The following SORBS2 variants were observed in gnomAD, a reference collection of about 807,000 sequenced individuals.
SORBS2 encodes the protein sorbin and SH3 domain containing 2, also known as sorbin and SH3 domain-containing protein 2.
A neutral mutation model predicts 97.7 loss-of-function variants in SORBS2; 46 were observed. That is an observed-to-expected ratio of 0.47 (90% confidence interval 0.37 to 0.60). The LOEUF (loss-of-function observed/expected upper bound fraction) is 0.60, where lower values mean the gene tolerates loss of function less well. SORBS2 is among the 20% of genes least tolerant of loss of function. The pLI is 0.00. For synonymous variants in SORBS2, 476 were observed against 473.4 expected (o/e 1.01, Z -0.07); for missense variants, 1,316 against 1,282.3 (o/e 1.03, Z -0.40).
rs543926650 is a variant in SORBS2, at chr4:185,726,633, TATATA to T, written c.-197-47816_-197-47812del. ...ATATTTAGATGTATAATATATTATA[TATATA>T]ATATATTTTGTTACACCACTAGACT... On this transcript the variant is annotated intron_variant, in intron 2 of 20. Transcript: ENST00000284776. 1.3e-3 allele frequency among the ~76,000 whole-genome samples: 200 copies of T among 150,988 alleles called. 1 individual carries two copies. The highest frequency in any genetic ancestry group is 4.6e-3 in the African/African-American group (191 of 41,328).
At chr4:185,629,947 C>T (rs192682237) in intron 5 of SORBS2, among the ~76,000 whole-genome samples, 2 of 152,228 alleles carry the variant, frequency 1.3e-5, no homozygotes, top group Admixed American at 6.5e-5. Flanking sequence ...TTAGGCCTAG[C>T]GGTGACAAGC....
At chr4:185,887,857 G>A (rs1034023285) in intron 1 of SORBS2, among the ~76,000 whole-genome samples, 9 of 151,758 alleles carry the variant, frequency 5.9e-5, no homozygotes, top group Admixed American at 4.6e-4. Context: ...CTGTAATTTT[G>A]TTCCTCAAAA....
At chr4:185,889,564 C>T (rs979527293) in intron 1 of SORBS2, among the ~76,000 whole-genome samples, 2 of 152,116 alleles carry the variant, frequency 1.3e-5, no homozygotes, top group African/African-American at 4.8e-5. Context: ...TGCTTCGATT[C>T]AAAATGTTTA....
At chr4:185,897,803 G>A (rs891142890) in intron 1 of SORBS2, among the ~76,000 whole-genome samples, 5 of 152,134 alleles carry the variant, frequency 3.3e-5, no homozygotes, top group Admixed American at 6.5e-5. Flanking sequence ...TTGGGAGGCC[G>A]AGGCAGGCAG....
At chr4:185,587,793 C>G in intron 14 of SORBS2, 105 bp from the exon 27 acceptor site, 1 of 881,406 alleles carries the variant, frequency 1.1e-6, no homozygotes, top group Non-Finnish European at 1.8e-6. Flanking sequence ...CAGCAAGCCC[C>G]GAGGGGTTTG....
At chr4:185,900,393 T>C (rs2099247097) in intron 1 of SORBS2, among the ~76,000 whole-genome samples, 1 of 152,164 alleles carries the variant, frequency 6.6e-6, no homozygotes, top group Non-Finnish European at 1.5e-5. Context: ...AGTTCTCTTA[T>C]CAAAGAGAAC....
rs2099207955 is a variant in SORBS2, at chr4:185,836,187, A to G, written c.-337-60821T>C. On this transcript the variant is annotated intron_variant, in intron 1 of 20. Coordinates refer to the SORBS2 transcript ENST00000284776. ...AAGAACCGATTTCTCATTTGCTTAA[A>G]AAAGAAGAATCATGGAGCGTTTTAC... 2.0e-5 allele frequency among the ~76,000 whole-genome samples: 3 copies of G among 152,192 alleles called. No homozygotes were observed. The South Asian group carries it at 6.2e-4, about 32-fold the overall frequency.
At chr4:185,625,604 A>AAG (rs1167997011) in intron 6 of SORBS2, among the ~76,000 whole-genome samples, 1 of 152,244 alleles carries the variant, frequency 6.6e-6, no homozygotes, top group Non-Finnish European at 1.5e-5. Context: ...GCTAGTATCC[A>AAG]AGAATAATAG....
chr4:185,671,443 C>A (rs1338257270), intron 4 of SORBS2, among the ~76,000 whole-genome samples: 4 of 152,100 alleles, frequency 2.6e-5, no homozygotes, highest in Non-Finnish European at 4.4e-5. Flanking sequence ...CAGACTTGGG[C>A]AACTTGTTTA....
chr4:185,651,052 C>T lies in SORBS2; in HGVS notation c.92-1396G>A, dbSNP rs564665215. Among the ~76,000 whole-genome samples, 11 of 152,082 alleles carry T rather than the reference C, an allele frequency of 7.2e-5. No individual in the cohort carries two copies. The East Asian group carries it at 9.7e-4, about 13-fold the overall frequency. Reference sequence around the variant, plus strand: ...AGGGGAGGGGAGCAGTGCCAGCCTCCGAGCCTGGTCTAAAGAAAGAAGAAA... The same window carrying T: ...AGGGGAGGGGAGCAGTGCCAGCCTCTGAGCCTGGTCTAAAGAAAGAAGAAA... On this transcript the variant is annotated intron_variant, in intron 2 of 14. Coordinates refer to ENST00000418609, the Ensembl canonical transcript of SORBS2.
At chr4:185,887,667 C>T (rs895701462) in intron 1 of SORBS2, among the ~76,000 whole-genome samples, 1 of 152,150 alleles carries the variant, frequency 6.6e-6, no homozygotes, top group African/African-American at 2.4e-5. Flanking sequence ...TAGTTTCAAG[C>T]AGCAAACTAT....
chr4:185,666,551 T>C (rs1426666811), intron 4 of SORBS2, among the ~76,000 whole-genome samples: 2 of 152,212 alleles, frequency 1.3e-5, no homozygotes, highest in Non-Finnish European at 1.5e-5. Flanking sequence ...GTCAGCAGAA[T>C]TGGTTTGTCC....
At chr4:185,921,920 G>T (rs1473698421) in intron 1 of SORBS2, among the ~76,000 whole-genome samples, 1 of 152,220 alleles carries the variant, frequency 6.6e-6, no homozygotes, top group Non-Finnish European at 1.5e-5. Flanking sequence ...TATTGGAGCT[G>T]CCTGTTACAG....
chr4:185,599,978 T>G (rs1257867329), intron 12 of SORBS2, among the ~76,000 whole-genome samples: 1 of 152,162 alleles, frequency 6.6e-6, no homozygotes, highest in Non-Finnish European at 1.5e-5. Context: ...CTCTGACAGG[T>G]GAGCCGCAGA....
At chr4:185,636,725 T>A (rs1318228621) in intron 4 of SORBS2, among the ~76,000 whole-genome samples, 1 of 150,898 alleles carries the variant, frequency 6.6e-6, no homozygotes, top group Admixed American at 6.6e-5. Flanking sequence ...CCCAGCTCAC[T>A]GCAATCTCCG....
At chr4:185,822,618 C>A (rs944862535) in intron 1 of SORBS2, among the ~76,000 whole-genome samples, 25 of 152,180 alleles carry the variant, frequency 1.6e-4, no homozygotes, top group Admixed American at 1.6e-3. Context: ...CTTCTATGAA[C>A]AGGAACTAAG....
intron 2 of SORBS2, among the ~76,000 whole-genome samples, chr4:185,694,411 G>A (rs371470130): frequency 1.6e-4 from 25 of 152,294 alleles, no homozygotes; most frequent in African/African-American, 5.5e-4. Context: ...GACAATCCAC[G>A]GAGCAAAGAA....
At chr4:185,928,673 G>A (rs1388643964) in intron 1 of SORBS2, among the ~76,000 whole-genome samples, 1 of 152,092 alleles carries the variant, frequency 6.6e-6, no homozygotes, top group Non-Finnish European at 1.5e-5. Flanking sequence ...ATCCTCCCGA[G>A]TAGCTGGGAC....
intron 1 of SORBS2, among the ~76,000 whole-genome samples, chr4:185,779,515 T>G (rs1290015493): frequency 1.3e-5 from 2 of 152,190 alleles, no homozygotes; most frequent in Non-Finnish European, 2.9e-5. Context: ...TGGGCGTGAG[T>G]TTTTGAACAC....
Sources: gnomAD v4.1 joint callset for allele counts (sites outside exome capture counted in the v4.1 genomes callset) on GRCh38, gnomAD v4.1.1 for gene constraint, MANE v1.5 for transcripts, NCBI Gene and HGNC (gene_info 2026-07-23, HGNC 2026-07-21) for gene names.